Variants in ZMYM2 observed in about 807,000 individuals in gnomAD.
ZMYM2 encodes zinc finger MYM-type containing 2, also known as zinc finger MYM-type protein 2.
ZMYM2 carries 56 observed loss-of-function variants against 162.8 expected under a neutral mutation model. That is an observed-to-expected ratio of 0.34 (90% CI 0.28 to 0.43). ZMYM2 has a LOEUF of 0.43. ZMYM2 is among the 20% of genes least tolerant of loss of function. ZMYM2 has a pLI of 1.00. For synonymous variants in ZMYM2, 510 were observed against 541.6 expected (o/e 0.94, Z 0.81); for missense variants, 1,275 against 1,621.8 (o/e 0.79, Z 3.67).
intron 15 of ZMYM2, 120 bp from the exon 16 acceptor site, chr13:20,059,327 A>G: frequency 1.1e-6 from 1 of 909,558 alleles, no homozygotes; most frequent in Non-Finnish European, 1.4e-6. Flanking sequence ...AAAAACTGGG[A>G]ATTAAAAAAA....
In ZMYM2 at chr13:20,062,914, A is replaced by G; in HGVS notation, c.2980A>G (p.Ser994Gly). ...GAACTCTGACCCAGAGACACAGTCCAGCATGCCTGATGTACCATATGAACC... is the reference window on the plus strand; with the variant it reads ...GAACTCTGACCCAGAGACACAGTCCGGCATGCCTGATGTACCATATGAACC... ...LKNSDPETQS[S>G]MPDVPYEPDL... Residue 994 changes from serine to glycine, a missense_variant, in exon 18 of 25, where the codon AGC becomes GGC. Ser to Gly is a moderately conservative substitution (Grantham distance 56). Around this residue, in one of 10 missense-constraint regions of ZMYM2, gnomAD observed 229 missense variants for 283.8 expected, o/e 0.81. Transcript: ENST00000610343. 6.2e-6 allele frequency: 10 copies of G among 1,603,078 alleles called. No individual in the cohort carries two copies. The highest frequency in any genetic ancestry group is 7.7e-6 in the Non-Finnish European group (9 of 1,173,722).
chr13:19,937,714 T>C, the ZMYM2 span, among the ~76,000 whole-genome samples: 2 of 151,910 alleles, frequency 1.3e-5, no homozygotes, highest in South Asian at 2.1e-4. Context: ...AGTATACATG[T>C]GCCATGTTGG....
At chr13:19,890,505 T>TAA in the ZMYM2 span, among the ~76,000 whole-genome samples, 3 of 98,458 alleles carry the variant, frequency 3.0e-5, no homozygotes, top group Admixed American at 1.3e-4. Flanking sequence ...AGTGCTTTTG[T>TAA]AAAAAAAAAA....
chr13:20,031,507 C>A, intron 10 of ZMYM2, 72 bp downstream of exon 10: 1 of 927,452 alleles, frequency 1.1e-6, no homozygotes, highest in Non-Finnish European at 1.5e-6. Flanking sequence ...GTTGTATTTC[C>A]ATCTGGAAAC....
chr13:20,027,125 T>A (rs2140260308), intron 8 of ZMYM2, 78 bp from the exon 9 acceptor site: 1 of 946,918 alleles, frequency 1.1e-6, no homozygotes, highest in African/African-American at 1.7e-5. Context: ...CAGAAACTTC[T>A]ATGATCTCAG....
Position 20,014,333 on chromosome 13 carries a change from A to G in ZMYM2, c.1513-5214A>G, listed in dbSNP as rs188229666. ...ATGATCCACCCGCCTCAGCCTCCCA[A>G]AATGTTGGGATTATAGGCATGATCC... On this transcript the variant is annotated intron_variant, in intron 6 of 24. Coordinates refer to ENST00000610343, the MANE Select transcript of ZMYM2 (RefSeq NM_197968.4). Among the ~76,000 whole-genome samples the G allele has an allele frequency of 3.5e-4, 53 of 152,226 alleles. 1 individual carries two copies. Among genetic ancestry groups the G allele is most frequent in the Admixed American group, 3.5e-3 (53 of 15,276 alleles).
upstream of ZMYM2, among the ~76,000 whole-genome samples, chr13:19,955,087 C>A (rs142846098): frequency 9.1e-3 from 1,391 of 152,124 alleles, 22 homozygotes; most frequent in African/African-American, 0.031. Flanking sequence ...GCTGGGATTA[C>A]AGACATGAGC....
At chr13:19,935,157 C>CA in the ZMYM2 span, among the ~76,000 whole-genome samples, 1 of 152,046 alleles carries the variant, frequency 6.6e-6, no homozygotes, top group Admixed American at 6.6e-5. Flanking sequence ...ATTTTTGAGA[C>CA]AGAGTTCCAC....
At chr13:19,932,217 T>C in the ZMYM2 span, among the ~76,000 whole-genome samples, 1 of 152,228 alleles carries the variant, frequency 6.6e-6, no homozygotes, top group African/African-American at 2.4e-5. Context: ...AACTGAATTG[T>C]GTTTCCCCCA....
intron 12 of ZMYM2, among the ~76,000 whole-genome samples, chr13:20,050,927 A>G (rs1050571401): frequency 1.3e-5 from 2 of 152,106 alleles, no homozygotes; most frequent in Admixed American, 1.3e-4. Context: ...AAATGTATTT[A>G]TTAAAGCTTT....
chr13:19,935,677 C>A, the ZMYM2 span, among the ~76,000 whole-genome samples: 1 of 151,608 alleles, frequency 6.6e-6, no homozygotes, highest in Non-Finnish European at 1.5e-5. Context: ...AGACAGGATT[C>A]CACTCTCACC....
the ZMYM2 span, among the ~76,000 whole-genome samples, chr13:19,870,595 C>CCTTCCTTCCTTTCTTT: frequency 2.2e-4 from 31 of 142,678 alleles, no homozygotes; most frequent in African/African-American, 7.9e-4. Context: ...TTCCTTCCTT[C>CCTTCCTTCCTTTCTTT]CTTTCTTTCT....
chr13:19,995,273 A>G (rs929998081), intron 3 of ZMYM2, among the ~76,000 whole-genome samples: 3 of 152,186 alleles, frequency 2.0e-5, no homozygotes, highest in African/African-American at 7.2e-5. Context: ...AAGGCTGTAT[A>G]TATTTAATGT....
intron 2 of ZMYM2, among the ~76,000 whole-genome samples, chr13:19,987,620 C>CGTGCGTGT (rs1555288016): frequency 2.5e-5 from 3 of 121,300 alleles, no homozygotes; most frequent in Non-Finnish European, 3.3e-5. Flanking sequence ...GGGGTTTTGT[C>CGTGCGTGT]GTGTGTGTGT....
At position 19,965,298 on chromosome 13, in the gene ZMYM2, A is replaced by G. The variant is rs1405260996; in HGVS notation, c.-11+5272A>G. On this transcript the variant is annotated intron_variant, in intron 2 of 24. Coordinates refer to ENST00000610343, the MANE Select transcript of ZMYM2 (RefSeq NM_197968.4). The stretch of plus-strand genomic sequence containing the variant: ...CTTACTAGTGTAAGAATTGACAACT[A>G]AATTTTTGGGTTTTGTTACTTAACA... 3.1e-6 allele frequency: 4 copies of G among 1,287,726 alleles called. No individual in the cohort carries two copies. The South Asian group carries it at 3.8e-5, about 12-fold the overall frequency. 79.8% of individuals were successfully genotyped at this position (1,287,726 alleles called of 1,614,324 possible).
chr13:19,964,967 A>G (rs572800837), intron 2 of ZMYM2, among the ~76,000 whole-genome samples: 3 of 152,316 alleles, frequency 2.0e-5, no homozygotes, highest in East Asian at 3.9e-4. Flanking sequence ...CTAACCATGC[A>G]TTTAGGTTGG....
At chr13:19,971,244 G>GTGTGTATATATA (rs5802035) in intron 2 of ZMYM2, among the ~76,000 whole-genome samples, 26 of 50,126 alleles carry the variant, frequency 5.2e-4, no homozygotes, top group East Asian at 2.8e-3. Context: ...GTGTGTGTGT[G>GTGTGTATATATA]TATATATATA....
At chr13:19,866,149 G>T in the ZMYM2 span, among the ~76,000 whole-genome samples, 1 of 151,884 alleles carries the variant, frequency 6.6e-6, no homozygotes, top group Admixed American at 6.6e-5. Context: ...TTGAACCCAG[G>T]AGGTGGAGGT....
At chr13:19,880,891 G>T in the ZMYM2 span, among the ~76,000 whole-genome samples, 2 of 141,170 alleles carry the variant, frequency 1.4e-5, no homozygotes, top group African/African-American at 5.2e-5. Context: ...TTTTTGTTTT[G>T]TTTTTTGTTT....
Sources: allele counts gnomAD v4.1 joint callset (sites outside exome capture counted in the v4.1 genomes callset), GRCh38; gene constraint gnomAD v4.1.1; regional missense constraint gnomAD v4.1.1; transcripts MANE v1.5; gene names NCBI Gene and HGNC (gene_info 2026-07-23, HGNC 2026-07-21).